LRP1B: variants seen among roughly 807,000 people sequenced by gnomAD.
LRP1B encodes the protein low-density lipoprotein receptor-related protein 1B.
LRP1B carries 217 observed loss-of-function variants against 556.6 expected under a neutral mutation model. The observed-to-expected ratio is 0.39, with a 90% confidence interval of 0.35 to 0.44. The LOEUF (loss-of-function observed/expected upper bound fraction) is 0.44. LRP1B is among the 20% of genes least tolerant of loss of function. The pLI, the probability that LRP1B is intolerant of heterozygous loss-of-function variation, is 1.00. For missense variants in LRP1B, 5,053 were observed against 5,620.8 expected (o/e 0.90, Z 3.23); for synonymous variants, 2,047 against 1,865.8 (o/e 1.10, Z -2.50).
chr2:141,455,361 C>A (rs1681591870), intron 3 of LRP1B, among the ~76,000 whole-genome samples: 1 of 152,094 alleles, frequency 6.6e-6, no homozygotes, highest in Non-Finnish European at 1.5e-5. Context: ...ATGCATCACA[C>A]CCAGAGGGCA....
chr2:140,275,728 A>T (rs115269049), intron 84 of LRP1B, among the ~76,000 whole-genome samples: 1 of 152,012 alleles, frequency 6.6e-6, no homozygotes, highest in Non-Finnish European at 1.5e-5. Context: ...AAGGTAAGAG[A>T]CTAATCTTCC....
intron 2 of LRP1B, among the ~76,000 whole-genome samples, chr2:141,721,594 A>G (rs900974906): frequency 2.6e-5 from 4 of 152,222 alleles, no homozygotes; most frequent in Admixed American, 1.3e-4. Context: ...TTCATCTAAA[A>G]TAACAAAATT....
chr2:141,021,665 G>A (rs1381505498), intron 11 of LRP1B, among the ~76,000 whole-genome samples: 3 of 151,910 alleles, frequency 2.0e-5, no homozygotes, highest in Non-Finnish European at 4.4e-5. Context: ...TCTTCATGCT[G>A]GATAACCCTC....
rs1010989683 is a variant in LRP1B at position 141,769,535 on chromosome 2, G to A, written c.205+40744C>T. ...CAGAGGAAAGATTTAGGGCAATAGG[G>A]AACTTGGCACATTACACGGGACATC... On this transcript the variant is annotated intron_variant, in intron 2 of 90. Coordinates refer to ENST00000389484, the MANE Select transcript of LRP1B (RefSeq NM_018557.3). Among the ~76,000 whole-genome samples, 3 of 152,276 alleles carry A rather than the reference G, an allele frequency of 2.0e-5. No homozygotes were observed. In the South Asian group the frequency reaches 6.2e-4, roughly 32 times the overall value.
intron 1 of LRP1B, among the ~76,000 whole-genome samples, chr2:141,935,528 C>T (rs1000668918): frequency 2.0e-5 from 3 of 151,974 alleles, no homozygotes; most frequent in African/African-American, 7.2e-5. Flanking sequence ...AATATAGAAT[C>T]TTGTAAAATA....
At chr2:140,426,672 A>C (rs1263242660) in intron 66 of LRP1B, among the ~76,000 whole-genome samples, 2 of 152,150 alleles carry the variant, frequency 1.3e-5, no homozygotes, top group African/African-American at 4.8e-5. Flanking sequence ...CAAATCTTAT[A>C]AAACAGCCCC....
At chr2:141,253,146 G>A (rs1409040676) in intron 4 of LRP1B, among the ~76,000 whole-genome samples, 1 of 152,132 alleles carries the variant, frequency 6.6e-6, no homozygotes, top group Non-Finnish European at 1.5e-5. Context: ...CGAATGGCAA[G>A]GGCTGTTTGG....
intron 43 of LRP1B, among the ~76,000 whole-genome samples, chr2:140,570,947 G>A (rs1007727637): frequency 1.3e-5 from 2 of 151,728 alleles, no homozygotes; most frequent in African/African-American, 4.8e-5. Flanking sequence ...CACAGAAAAA[G>A]CATGTGACAA....
At chr2:141,715,521 A>G (rs1574276003) in intron 2 of LRP1B, among the ~76,000 whole-genome samples, 1 of 152,224 alleles carries the variant, frequency 6.6e-6, no homozygotes, top group East Asian at 1.9e-4. Flanking sequence ...CTTCATTTAT[A>G]AGAAAACAGC....
At position 141,010,951 on chromosome 2, in the gene LRP1B, G is replaced by GGTGTGTGTGTGTGT. The variant is rs71995663; in HGVS notation, c.2380+2591_2380+2604dup. On this transcript the variant is annotated intron_variant, in intron 14 of 90. Transcript: ENST00000389484. ...ATTTTTCATGGTGGTCTTGTCAGAT[G>GGTGTGTGTGTGTGT]GTGTGTGTGTGTGTGTGTGTGTGTG... Among the ~76,000 whole-genome samples the GGTGTGTGTGTGTGT allele has an allele frequency of 2.1e-5, 3 of 144,664 alleles. No homozygotes were observed. The South Asian group carries it at 6.6e-4, about 32-fold the overall frequency. The allele number at this position is 144,664 out of a possible 152,430, so 94.9% of individuals were successfully genotyped here.
At chr2:140,503,210 C>T (rs1367017041) in intron 53 of LRP1B, 107 bp from the exon 54 acceptor site, 3 of 902,684 alleles carry the variant, frequency 3.3e-6, no homozygotes, top group African/African-American at 1.6e-5. Flanking sequence ...ACTCATGTCT[C>T]CCATGAGAAA....
At chr2:140,909,247 G>A (rs1230802140) in intron 21 of LRP1B, among the ~76,000 whole-genome samples, 1 of 152,038 alleles carries the variant, frequency 6.6e-6, no homozygotes, top group East Asian at 1.9e-4. Context: ...ACTAGTTATT[G>A]ACTGACTACA....
intron 11 of LRP1B, among the ~76,000 whole-genome samples, chr2:141,028,035 A>G (rs1048749650): frequency 2.0e-5 from 3 of 152,150 alleles, no homozygotes; most frequent in African/African-American, 7.2e-5. Flanking sequence ...GCCTGAATCA[A>G]TTAAGACAGA....
intron 41 of LRP1B, among the ~76,000 whole-genome samples, chr2:140,604,176 A>T (rs539624631): frequency 6.6e-6 from 1 of 152,034 alleles, no homozygotes. Context: ...GGCATATGAA[A>T]TATAATGCAA....
At chr2:141,985,274 T>G (rs1032294294) in intron 1 of LRP1B, among the ~76,000 whole-genome samples, 1 of 152,148 alleles carries the variant, frequency 6.6e-6, no homozygotes, top group Non-Finnish European at 1.5e-5. Context: ...AGGTCAGTAG[T>G]TTGAATTTAG....
At chr2:140,736,409 C>T (rs1270664888) in intron 35 of LRP1B, among the ~76,000 whole-genome samples, 2 of 152,026 alleles carry the variant, frequency 1.3e-5, no homozygotes, top group Admixed American at 6.6e-5. Context: ...AAAAAGAGCC[C>T]GCATTGCCAA....
At chr2:141,248,214 A>G (rs1684138077) in intron 4 of LRP1B, among the ~76,000 whole-genome samples, 1 of 152,208 alleles carries the variant, frequency 6.6e-6, no homozygotes, top group Non-Finnish European at 1.5e-5. Flanking sequence ...ACAAAAAGGC[A>G]TCCTGTCAGT....
intron 1 of LRP1B, among the ~76,000 whole-genome samples, chr2:141,912,133 A>C (rs1699921576): frequency 6.6e-6 from 1 of 152,174 alleles, no homozygotes. Context: ...CACATATGGC[A>C]GAGTTTTATG....
chr2:141,804,513 A>C (rs1696108783), intron 2 of LRP1B, among the ~76,000 whole-genome samples: 1 of 152,114 alleles, frequency 6.6e-6, no homozygotes, highest in Non-Finnish European at 1.5e-5. Context: ...TCTGATCATT[A>C]AAAATTATTT....
Sources: gnomAD v4.1 joint callset for allele counts (sites outside exome capture counted in the v4.1 genomes callset) on GRCh38, gnomAD v4.1.1 for gene constraint, MANE v1.5 for transcripts, NCBI Gene and HGNC (gene_info 2026-07-23, HGNC 2026-07-21) for gene names.